MMRN1: variants seen among roughly 807,000 people sequenced by gnomAD.
The protein encoded by MMRN1 is multimerin-1.
A neutral mutation model predicts 100.7 loss-of-function variants in MMRN1; 94 were observed. The observed-to-expected ratio is 0.93, with a 90% CI of 0.79 to 1.11. The LOEUF (loss-of-function observed/expected upper bound fraction) is 1.11. Among genes scored for constraint, MMRN1 ranks in the 50% least tolerant of loss-of-function variants. MMRN1 has a pLI of 0.00. For missense variants in MMRN1, 1,606 were observed against 1,439.1 expected, an observed-to-expected ratio of 1.12 and a Z score of -1.88; for synonymous variants, 575 against 505.0, an observed-to-expected ratio of 1.14 and a Z score of -1.86.
intron 2 of MMRN1, 92 bp downstream of exon 2, chr4:89,909,487 T>C: frequency 6.8e-7 from 1 of 1,470,766 alleles, no homozygotes; most frequent in Non-Finnish European, 9.3e-7. Flanking sequence ...AGGTACATAA[T>C]ACATAGTAGG....
intron 1 of MMRN1, among the ~76,000 whole-genome samples, chr4:89,886,588 A>G (rs1397774389): frequency 1.3e-5 from 2 of 152,210 alleles, no homozygotes; most frequent in Admixed American, 6.5e-5. Flanking sequence ...CTTCTATATC[A>G]TTGCTGATTA....
chr4:89,922,794 C>A (rs1246579752), intron 3 of MMRN1, among the ~76,000 whole-genome samples: 1 of 152,104 alleles, frequency 6.6e-6, no homozygotes, highest in African/African-American at 2.4e-5. Flanking sequence ...AAACAATCAG[C>A]CTTTGTGGCA....
intron 5 of MMRN1, among the ~76,000 whole-genome samples, chr4:89,932,133 T>A (rs1336522830): frequency 6.6e-6 from 1 of 152,138 alleles, no homozygotes; most frequent in Admixed American, 6.6e-5. Context: ...TGGGAGACAT[T>A]GGCCATAACA....
chr4:89,882,578 G>C (rs1378033357), intron 1 of MMRN1, among the ~76,000 whole-genome samples: 1 of 151,772 alleles, frequency 6.6e-6, no homozygotes, highest in Non-Finnish European at 1.5e-5. Context: ...ATAAATGTCA[G>C]TTCAATTTAA....
At chr4:89,906,091 T>G (rs796950371) in intron 1 of MMRN1, among the ~76,000 whole-genome samples, 17 of 151,676 alleles carry the variant, frequency 1.1e-4, no homozygotes, top group African/African-American at 4.1e-4. Context: ...AGGATAAGAA[T>G]TGGTATGACT....
upstream of MMRN1, among the ~76,000 whole-genome samples, chr4:89,892,915 A>T (rs1447102291): frequency 6.6e-6 from 1 of 152,050 alleles, no homozygotes; most frequent in Non-Finnish European, 1.5e-5. Context: ...GCAGTTTTGT[A>T]AATCTTCAAG....
chr4:89,952,743 G>A (rs550982094), intron 7 of MMRN1, among the ~76,000 whole-genome samples: 1 of 152,068 alleles, frequency 6.6e-6, no homozygotes, highest in Non-Finnish European at 1.5e-5. Context: ...CTGTGAGGAA[G>A]GTATCAAATG....
rs1721404080 is a variant in MMRN1 at position 89,901,979 on chromosome 4, C to T, written c.623+6385C>T. The T allele has an allele frequency of 2.0e-5, 3 of 151,940 alleles. No individual in the cohort carries two copies. The Admixed American group carries it at 2.0e-4, about 10-fold the overall frequency. 9.4% of individuals were successfully genotyped at this position (151,940 alleles called of 1,614,324 possible). A position where few individuals can be genotyped will look rare whatever the true frequency, so the allele number is the denominator to read the frequency against. On this transcript the variant is annotated intron_variant, in intron 1 of 7. Transcript: ENST00000264790. ...GGATTAAGCATAGAATTCTGCATCA[C>T]GGCATCCGTTAGCCTGCCTTTGTGG...
chr4:89,927,803 C>CA lies in MMRN1; in HGVS notation c.970dup (p.Met324AsnfsTer3). On this transcript the variant is annotated frameshift_variant, in exon 5 of 8. Coordinates refer to ENST00000264790, the MANE Select transcript of MMRN1 (RefSeq NM_007351.3). LOFTEE classifies it high-confidence loss of function. ...TTCTCTTCTATATGCAGAAGTGATG[C>CA]AAAAAATGACTGATCAGGTGAACTA... is the stretch of plus-strand genomic sequence containing the variant. 1 of 1,608,824 alleles carries CA rather than the reference C, an allele frequency of 6.2e-7. No homozygotes were observed. The highest frequency in any genetic ancestry group is 8.5e-7 in the Non-Finnish European group (1 of 1,178,134).
chr4:89,903,802 T>C (rs1167599809), intron 1 of MMRN1, among the ~76,000 whole-genome samples: 1 of 151,140 alleles, frequency 6.6e-6, no homozygotes, highest in African/African-American at 2.4e-5. Flanking sequence ...AACTATGTTA[T>C]GGGAAATTTT....
intron 6 of MMRN1, among the ~76,000 whole-genome samples, chr4:89,948,121 G>T (rs569704069): frequency 6.6e-6 from 1 of 152,172 alleles, no homozygotes; most frequent in African/African-American, 2.4e-5. Flanking sequence ...CAAAGTGCTA[G>T]GATTACAGGC....
At chr4:89,925,603 G>A (rs1051316337) in intron 4 of MMRN1, among the ~76,000 whole-genome samples, 3 of 151,710 alleles carry the variant, frequency 2.0e-5, no homozygotes, top group Admixed American at 1.3e-4. Flanking sequence ...AGGCCAAGGC[G>A]GGTGGATCAC....
upstream of MMRN1, among the ~76,000 whole-genome samples, chr4:89,891,968 T>G (rs1721065121): frequency 6.6e-6 from 1 of 151,944 alleles, no homozygotes; most frequent in South Asian, 2.1e-4. Flanking sequence ...TACAGTGAAC[T>G]CCTCAATCTA....
chr4:89,927,932 G>A lies in MMRN1; in HGVS notation c.1093G>A (p.Glu365Lys), dbSNP rs770818591. Residue 365 changes from glutamate (E) to lysine (K), a missense_variant, in exon 5 of 8, where the codon GAA becomes AAA. Coordinates refer to ENST00000264790, the MANE Select transcript of MMRN1 (RefSeq NM_007351.3). ...CTCCTCCCTAGAAGGAAAAGTCAGC[G>A]AAGATAAAAGCAGAGAATTTCAATC... is the stretch of plus-strand genomic sequence containing the variant. ...TYSSLEGKVS[E>K]DKSREFQSLL... is the part of the protein sequence containing the mutation. The A allele has an allele frequency of 4.0e-5, 64 of 1,603,482 alleles. No homozygotes were observed. Among genetic ancestry groups the A allele is most frequent in the South Asian group, 5.6e-5 (5 of 88,564 alleles).
Position 89,936,334 on chromosome 4 carries a change from T to C in MMRN1, c.2654T>C (p.Val885Ala). The stretch of plus-strand genomic sequence containing the variant: ...TATATTTCAGTTAAAAAAGGCAGTG[T>C]AGTTACAAATGAGAGAGATCAGGCT... ...PYYISVKKGS[V>A]VTNERDQALQ... The change falls in exon 6 of 8, where the codon GTA (valine) becomes GCA (alanine). Residue 885 changes from valine (V) to alanine (A), a missense_variant. Coordinates refer to ENST00000264790, the MANE Select transcript of MMRN1 (RefSeq NM_007351.3). 6.2e-7 allele frequency: 1 copy of C among 1,612,834 alleles called. No homozygotes were observed. Among genetic ancestry groups the C allele is most frequent in the Non-Finnish European group, 8.5e-7 (1 of 1,179,496 alleles).
In MMRN1 at chr4:89,953,282, A is replaced by T; in HGVS notation, c.3551A>T (p.Asp1184Val). Residue 1184 changes from aspartate to valine, a missense_variant, in exon 8 of 8, where the codon GAT becomes GTT. Coordinates refer to ENST00000264790, the MANE Select transcript of MMRN1 (RefSeq NM_007351.3). ...AATATTAACAGTGAAATACACTGTGATAGGGTTTTAACTGGGGATGCCTTA... is the reference window on the plus strand; with the variant it reads ...AATATTAACAGTGAAATACACTGTGTTAGGGTTTTAACTGGGGATGCCTTA... The part of the protein sequence containing the change: ...SENINSEIHC[D>V]RVLTGDALLE... The T allele has an allele frequency of 1.9e-6, 3 of 1,613,960 alleles. No homozygotes were observed. Among genetic ancestry groups the T allele is most frequent in the Non-Finnish European group, 2.5e-6 (3 of 1,179,872 alleles).
chr4:89,909,543 G>A (rs1721680463), intron 2 of MMRN1, 148 bp downstream of exon 2: 9 of 1,021,276 alleles, frequency 8.8e-6, no homozygotes, highest in South Asian at 1.6e-5. Flanking sequence ...TGAAAATGCA[G>A]ACACTAATAA....
chr4:89,895,987 A>G (rs1196487391), intron 1 of MMRN1, among the ~76,000 whole-genome samples: 3 of 152,184 alleles, frequency 2.0e-5, no homozygotes, highest in Admixed American at 6.5e-5. Context: ...GGGCTTGAAC[A>G]GATGTGAAAA....
intron 6 of MMRN1, among the ~76,000 whole-genome samples, chr4:89,944,203 T>G (rs1722918932): frequency 6.6e-6 from 1 of 152,226 alleles, no homozygotes; most frequent in Non-Finnish European, 1.5e-5. Context: ...TTTTTTTCTC[T>G]ATTTTAAATA....
Sources: allele counts gnomAD v4.1 joint callset (sites outside exome capture counted in the v4.1 genomes callset), GRCh38; gene constraint gnomAD v4.1.1; transcripts MANE v1.5; gene names NCBI Gene and HGNC (gene_info 2026-07-23, HGNC 2026-07-21).